Variants in KLHL13 observed in about 807,000 individuals in gnomAD.
The protein encoded by KLHL13 is kelch like family member 13.
Under a neutral mutation model 37.1 loss-of-function variants are expected in KLHL13, and 10 were observed. That is an observed-to-expected ratio of 0.27 (90% CI 0.17 to 0.46). KLHL13 has a LOEUF of 0.46. KLHL13 is among the 20% of genes least tolerant of loss of function. KLHL13 has a pLI of 1.00. For synonymous variants in KLHL13, 163 were observed against 181.2 expected (o/e 0.90, Z 0.81); for missense variants, 360 against 509.3 (o/e 0.71, Z 2.82).
chrX:118,068,402 C>T (rs1168694845), intron 1 of KLHL13, among the ~76,000 whole-genome samples: 1 of 111,327 alleles, frequency 9.0e-6, no homozygotes, highest in Non-Finnish European at 1.9e-5. Flanking sequence ...GTAACACAAA[C>T]CTTGGTGAGC....
At chrX:118,054,001 CAATG>C (rs982377830) in intron 1 of KLHL13, among the ~76,000 whole-genome samples, 26 of 109,653 alleles carry the variant, frequency 2.4e-4, no homozygotes, top group Non-Finnish European at 4.4e-4. Context: ...AAGAAAAAGA[CAATG>C]AAGGAGAAAG....
chrX:118,110,426 T>C (rs2055398005), intron 1 of KLHL13, among the ~76,000 whole-genome samples: 1 of 100,123 alleles, frequency 1.0e-5, no homozygotes, highest in Non-Finnish European at 2.0e-5. Context: ...GTCACCAGGC[T>C]GGAGTGCAGT....
At chrX:117,939,070 C>T (rs1274622702) in intron 2 of KLHL13, among the ~76,000 whole-genome samples, 1 of 110,388 alleles carries the variant, frequency 9.1e-6, no homozygotes. Context: ...AGGTATTTCT[C>T]CTAATGCTGT....
intron 1 of KLHL13, among the ~76,000 whole-genome samples, chrX:118,008,550 G>A (rs2054014432): frequency 8.9e-6 from 1 of 111,950 alleles, no homozygotes; most frequent in Non-Finnish European, 1.9e-5. Flanking sequence ...GAAGAGACAG[G>A]AGGACACATT....
chrX:118,045,931 CCACTGT>C (rs2148064207), intron 1 of KLHL13, among the ~76,000 whole-genome samples: 2 of 112,392 alleles, frequency 1.8e-5, no homozygotes, highest in African/African-American at 6.4e-5. Flanking sequence ...AAACCCTTGT[CCACTGT>C]TGGTGGAACG....
chrX:117,965,277 A>C (rs5956828), intron 1 of KLHL13, among the ~76,000 whole-genome samples: 5,984 of 111,540 alleles, frequency 0.054, 398 homozygotes, highest in African/African-American at 0.18. Context: ...AATGATCGCC[A>C]TTCTAAGTGG....
At chrX:118,009,898 C>T (rs2054039408) in intron 1 of KLHL13, among the ~76,000 whole-genome samples, 1 of 104,397 alleles carries the variant, frequency 9.6e-6, no homozygotes, top group Admixed American at 1.0e-4. Flanking sequence ...GAATGTTCTT[C>T]CATTTGTTTG....
chrX:118,052,947 A>G (rs2054633462), intron 1 of KLHL13, among the ~76,000 whole-genome samples: 1 of 112,101 alleles, frequency 8.9e-6, no homozygotes, highest in Non-Finnish European at 1.9e-5. Context: ...AATAATGTTT[A>G]AGTTTGCTGG....
chrX:118,110,160 C>T (rs193138686), intron 1 of KLHL13, among the ~76,000 whole-genome samples: 553 of 110,907 alleles, frequency 5.0e-3, no homozygotes, highest in Non-Finnish European at 7.6e-3. Flanking sequence ...AAACCCAATT[C>T]ATATCATGGA....
At chrX:117,937,005 A>C (rs929154783) in intron 2 of KLHL13, among the ~76,000 whole-genome samples, 3 of 111,811 alleles carry the variant, frequency 2.7e-5, no homozygotes, top group African/African-American at 9.7e-5. Context: ...TGTCCTTCTC[A>C]CTACAATTTG....
chrX:117,944,945 C>T lies in KLHL13; in HGVS notation c.240+489G>A, dbSNP rs1451584702. Among the ~76,000 whole-genome samples the T allele has an allele frequency of 9.8e-5, 11 of 111,920 alleles. No homozygotes were observed. In the Admixed American group the frequency reaches 1.0e-3, roughly 11 times the overall value. ...CTAACCTCTTCTCCCACAGTTACTACTACCAATGCGAGTTGGGACACCAAA... is the reference window on the plus strand; with the variant it reads ...CTAACCTCTTCTCCCACAGTTACTATTACCAATGCGAGTTGGGACACCAAA... On this transcript the variant is annotated intron_variant, in intron 2 of 6. Transcript: ENST00000262820.
At chrX:117,980,382 T>G (rs1022656805) in intron 1 of KLHL13, among the ~76,000 whole-genome samples, 17 of 111,820 alleles carry the variant, frequency 1.5e-4, no homozygotes, top group African/African-American at 5.5e-4. Context: ...GAAGAGTATA[T>G]TTTCTTCAAC....
intron 2 of KLHL13, among the ~76,000 whole-genome samples, chrX:117,937,849 T>C (rs1475799195): frequency 8.9e-6 from 1 of 111,928 alleles, no homozygotes; most frequent in Non-Finnish European, 1.9e-5. Context: ...TTAGAATATT[T>C]TTATCACTGC....
At chrX:117,932,074 T>C (rs1392529556) in intron 2 of KLHL13, among the ~76,000 whole-genome samples, 11 of 111,339 alleles carry the variant, frequency 9.9e-5, no homozygotes, top group Non-Finnish European at 1.7e-4. Context: ...TGTACATATT[T>C]ATGGGGTACA....
chrX:117,982,043 C>T (rs1026482735), intron 1 of KLHL13, among the ~76,000 whole-genome samples: 3 of 110,322 alleles, frequency 2.7e-5, no homozygotes, highest in Admixed American at 9.8e-5. Flanking sequence ...TGAGTTATTT[C>T]AGTCATCAAT....
intron 1 of KLHL13, among the ~76,000 whole-genome samples, chrX:118,010,663 C>G (rs1309313724): frequency 1.1e-5 from 1 of 93,065 alleles, no homozygotes; most frequent in African/African-American, 4.0e-5. Flanking sequence ...GTGGGTGCAG[C>G]GCACCAGCAT....
intron 1 of KLHL13, among the ~76,000 whole-genome samples, chrX:118,090,290 A>G (rs1005208316): frequency 3.6e-5 from 4 of 111,103 alleles, no homozygotes; most frequent in Non-Finnish European, 5.7e-5. Flanking sequence ...TAATTAAACT[A>G]AAGAGCTTCT....
intron 1 of KLHL13, among the ~76,000 whole-genome samples, chrX:117,999,246 ATGCTTAT>A (rs1314261920): frequency 8.9e-6 from 1 of 112,044 alleles, no homozygotes; most frequent in Non-Finnish European, 1.9e-5. Flanking sequence ...ATGCACACGT[ATGCTTAT>A]TGCGGCACTA....
intron 1 of KLHL13, among the ~76,000 whole-genome samples, chrX:117,987,559 C>T (rs1042207826): frequency 9.0e-6 from 1 of 111,547 alleles, no homozygotes; most frequent in Non-Finnish European, 1.9e-5. Context: ...CGCAAGCTTT[C>T]GTTGATTTTG....
Sources: allele counts gnomAD v4.1 joint callset (sites outside exome capture counted in the v4.1 genomes callset), GRCh38; gene constraint gnomAD v4.1.1; transcripts MANE v1.5; gene names NCBI Gene and HGNC (gene_info 2026-07-23, HGNC 2026-07-21).